Variants in TBL1X observed in about 807,000 individuals in gnomAD.
The protein encoded by TBL1X is F-box-like/WD repeat-containing protein TBL1X.
Under a neutral mutation model 50.7 loss-of-function variants are expected in TBL1X, and 10 were observed. The ratio of observed to expected loss-of-function variants is 0.20; its 90% CI spans 0.12 to 0.33. The LOEUF (loss-of-function observed/expected upper bound fraction) is 0.33. Ranked by LOEUF, TBL1X falls within the 10% of genes least tolerant of loss-of-function variation. The probability of loss-of-function intolerance (pLI) is 1.00; values close to 1 mark genes in which losing one functional copy is unlikely to be tolerated. For synonymous variants in TBL1X, 190 were observed against 214.7 expected (o/e 0.88, Z 1.01); for missense variants, 340 against 504.4 (o/e 0.67, Z 3.12).
At chrX:9,499,553 T>G (rs897876024) in intron 1 of TBL1X, among the ~76,000 whole-genome samples, 2 of 112,422 alleles carry the variant, frequency 1.8e-5, no homozygotes, top group African/African-American at 6.5e-5. Context: ...GGCCATCCAC[T>G]TAAAATGTTC....
chrX:9,464,168 C>G (rs1449656647), upstream of TBL1X, among the ~76,000 whole-genome samples: 1 of 111,207 alleles, frequency 9.0e-6, no homozygotes, highest in Non-Finnish European at 1.9e-5. Flanking sequence ...TTGGGAGTAG[C>G]CTACGTGGAG....
intron 16 of TBL1X, among the ~76,000 whole-genome samples, chrX:9,713,421 C>CTTTTTTTTTTTTTTT (rs757107084): frequency 1.1e-5 from 1 of 87,570 alleles, no homozygotes; most frequent in Non-Finnish European, 2.1e-5. Context: ...ATCCTTAGGA[C>CTTTTTTTTTTTTTTT]TTTTCTTTTT....
At chrX:9,563,247 C>G (rs2082332818) in intron 2 of TBL1X, among the ~76,000 whole-genome samples, 1 of 112,675 alleles carries the variant, frequency 8.9e-6, no homozygotes, top group African/African-American at 3.2e-5. Flanking sequence ...CGTGAGGAAC[C>G]TCAGCAGCTC....
rs377754932 is a variant in TBL1X, at chrX:9,646,535, A to G, written c.-43+6175A>G. Among the ~76,000 whole-genome samples the G allele has an allele frequency of 8.0e-5, 9 of 112,106 alleles. No individual in the cohort carries two copies. The South Asian group carries it at 3.3e-3, about 42-fold the overall frequency. ...AGAGTTTGCTCGTTTCCATGAAGCA[A>G]CTTGGAGAAAGAGGTGCCCTTTAGA... On this transcript the variant is annotated intron_variant, in intron 3 of 17. Transcript: ENST00000645353.
chrX:9,472,907 C>T (rs1376335954), intron 1 of TBL1X, among the ~76,000 whole-genome samples: 6 of 106,463 alleles, frequency 5.6e-5, no homozygotes, highest in Non-Finnish European at 9.6e-5. Context: ...AGCAAGACTC[C>T]GTCTCAAAAA....
In TBL1X at chrX:9,622,458, CT is replaced by C. The variant is rs760518754; in HGVS notation, c.-130-17806del. ...CACACACCTGTGTCAGAATTTCATT[CT>C]TTTTTTTTGTTTTTGAAACTAAGTC... On this transcript the variant is annotated intron_variant, in intron 2 of 17. Coordinates refer to ENST00000645353, the MANE Select transcript of TBL1X (RefSeq NM_005647.4). Among the ~76,000 whole-genome samples the C allele has an allele frequency of 3.3e-3, 357 of 109,812 alleles. 5 individuals are homozygous for C. The highest frequency in any genetic ancestry group is 0.011 in the African/African-American group (328 of 30,254).
chrX:9,674,555 C>T (rs779484242), intron 5 of TBL1X, among the ~76,000 whole-genome samples: 35 of 110,347 alleles, frequency 3.2e-4, no homozygotes, highest in Non-Finnish European at 5.9e-4. Context: ...TGAGTCACTG[C>T]GCCTGACCTA....
chrX:9,675,177 G>A (rs1446318944), intron 5 of TBL1X, among the ~76,000 whole-genome samples: 2 of 112,069 alleles, frequency 1.8e-5, no homozygotes, highest in Non-Finnish European at 3.8e-5. Context: ...AGGGCATAGA[G>A]TGCTATCTGA....
intron 11 of TBL1X, among the ~76,000 whole-genome samples, chrX:9,696,324 A>G (rs182643859): frequency 4.0e-3 from 450 of 112,481 alleles, no homozygotes; most frequent in Non-Finnish European, 6.9e-3. Context: ...TTTCAAAGAC[A>G]CTCACTGCTT....
intron 12 of TBL1X, among the ~76,000 whole-genome samples, chrX:9,702,498 C>T (rs1230491775): frequency 1.9e-5 from 2 of 103,157 alleles, no homozygotes; most frequent in Non-Finnish European, 3.9e-5. Flanking sequence ...CCCAGCTACT[C>T]GAGAGACTGA....
chrX:9,568,584 A>G (rs757304134), intron 2 of TBL1X, among the ~76,000 whole-genome samples: 176 of 99,598 alleles, frequency 1.8e-3, no homozygotes, highest in African/African-American at 6.1e-3. Flanking sequence ...TGTTGTGTCT[A>G]TCTGTGCAGT....
At chrX:9,540,292 A>G (rs778196021) in intron 2 of TBL1X, among the ~76,000 whole-genome samples, 3 of 112,282 alleles carry the variant, frequency 2.7e-5, no homozygotes, top group African/African-American at 6.5e-5. Context: ...CTAGGTGGCA[A>G]CTGACTCACA....
intron 6 of TBL1X, among the ~76,000 whole-genome samples, chrX:9,685,221 C>G (rs1252786199): frequency 8.9e-6 from 1 of 112,137 alleles, no homozygotes; most frequent in Non-Finnish European, 1.9e-5. Context: ...TCTCATGATT[C>G]TGCAGTGAAG....
At chrX:9,553,334 C>T (rs745795682) in intron 2 of TBL1X, among the ~76,000 whole-genome samples, 2 of 111,486 alleles carry the variant, frequency 1.8e-5, no homozygotes, top group Admixed American at 9.5e-5. Context: ...CTGGCGGCCT[C>T]TAGAAGCTGG....
chrX:9,694,995 T>TAAATAAATAAATAAAA (rs1349798868), intron 11 of TBL1X, among the ~76,000 whole-genome samples: 102 of 111,149 alleles, frequency 9.2e-4, no homozygotes, highest in African/African-American at 3.3e-3. Flanking sequence ...AATAAATAAA[T>TAAATAAATAAATAAAA]AAAATGATAG....
chrX:9,661,355 C>A (rs2082897418), intron 5 of TBL1X, among the ~76,000 whole-genome samples: 1 of 111,580 alleles, frequency 9.0e-6, no homozygotes, highest in Non-Finnish European at 1.9e-5. Context: ...TCAAGACCAA[C>A]CTGGGCAATA....
chrX:9,583,750 G>A (rs772423480), intron 2 of TBL1X, among the ~76,000 whole-genome samples: 1 of 111,797 alleles, frequency 8.9e-6, no homozygotes, highest in Non-Finnish European at 1.9e-5. Context: ...TAAATGCTAA[G>A]CATTTAGTAA....
At chrX:9,610,259 C>T (rs987754630) in intron 2 of TBL1X, among the ~76,000 whole-genome samples, 8 of 112,526 alleles carry the variant, frequency 7.1e-5, no homozygotes, top group African/African-American at 2.6e-4. Context: ...CTGCTCCTCT[C>T]CTGTTTCCTG....
chrX:9,635,145 C>T (rs1036846900), intron 2 of TBL1X, among the ~76,000 whole-genome samples: 17 of 110,892 alleles, frequency 1.5e-4, no homozygotes, highest in Admixed American at 1.1e-3. Context: ...AGTGTTGTAC[C>T]GTGCTGGCCT....
Sources: allele counts gnomAD v4.1 joint callset (sites outside exome capture counted in the v4.1 genomes callset), GRCh38; gene constraint gnomAD v4.1.1; transcripts MANE v1.5; gene names NCBI Gene and HGNC (gene_info 2026-07-23, HGNC 2026-07-21).